Variants in MSRA observed in about 807,000 individuals in gnomAD.
MSRA encodes mitochondrial peptide methionine sulfoxide reductase.
MSRA carries 54 observed loss-of-function variants against 31.3 expected under a neutral mutation model. That is an observed-to-expected ratio of 1.73 (90% confidence interval 1.39 to 2.17). The LOEUF (loss-of-function observed/expected upper bound fraction) is 2.17, where lower values mean the gene tolerates loss of function less well. MSRA is among the 30% of genes most tolerant of loss of function. MSRA has a pLI of 0.00. For synonymous variants in MSRA, 169 were observed against 116.5 expected (o/e 1.45, Z -2.90); for missense variants, 507 against 300.9 (o/e 1.69, Z -5.07).
intron 5 of MSRA, among the ~76,000 whole-genome samples, chr8:10,355,797 C>G (rs1002786194): frequency 6.6e-6 from 1 of 152,104 alleles, no homozygotes; most frequent in Non-Finnish European, 1.5e-5. Context: ...TATGCCATAT[C>G]AGGGAGGCCC....
At chr8:10,124,394 A>C (rs574132916) in intron 1 of MSRA, among the ~76,000 whole-genome samples, 4 of 152,186 alleles carry the variant, frequency 2.6e-5, no homozygotes, top group Non-Finnish European at 5.9e-5. Flanking sequence ...CTTTGGGGCA[A>C]ACCAGACCCG....
chr8:10,054,528 C>T lies in MSRA; in HGVS notation c.12C>T (p.Ala4=). MLS[A]TRRACQLLLL... ...GCTGGCGCCCTCCCATGCTCTCGGC[C>T]ACCCGGAGGGCTTGCCAGCTCCTCC... The change falls in exon 1 of 6, where the codon GCC becomes GCT. Residue 4 remains alanine, a synonymous_variant. Coordinates refer to ENST00000317173, the MANE Select transcript of MSRA (RefSeq NM_012331.5). 6.3e-7 allele frequency: 1 copy of T among 1,584,012 alleles called. No individual in the cohort carries two copies. The highest frequency in any genetic ancestry group is 2.5e-5 in the East Asian group (1 of 40,620).
At chr8:10,120,439 G>T (rs1177134851) in intron 1 of MSRA, among the ~76,000 whole-genome samples, 1 of 152,170 alleles carries the variant, frequency 6.6e-6, no homozygotes, top group Admixed American at 6.5e-5. Context: ...ATGTACAAAA[G>T]GGTAGTGACA....
chr8:10,109,905 C>A (rs1198788757), intron 1 of MSRA, among the ~76,000 whole-genome samples: 2 of 152,188 alleles, frequency 1.3e-5, no homozygotes, highest in African/African-American at 2.4e-5. Context: ...GGTTTTAACA[C>A]CGCTAGTCTG....
At chr8:10,091,108 C>G (rs1329663929) in intron 1 of MSRA, among the ~76,000 whole-genome samples, 4 of 152,136 alleles carry the variant, frequency 2.6e-5, no homozygotes, top group African/African-American at 9.7e-5. Flanking sequence ...TTGGACTGGT[C>G]TTCTTTTCCT....
At chr8:10,170,594 C>T (rs1361958805) in intron 1 of MSRA, among the ~76,000 whole-genome samples, 1 of 152,186 alleles carries the variant, frequency 6.6e-6, no homozygotes, top group Non-Finnish European at 1.5e-5. Flanking sequence ...TACAGTGTAT[C>T]AACCATTTGC....
At chr8:10,308,655 A>G (rs932751364) in intron 4 of MSRA, among the ~76,000 whole-genome samples, 39 of 152,228 alleles carry the variant, frequency 2.6e-4, no homozygotes, top group African/African-American at 8.9e-4. Context: ...TTTGGCTCAT[A>G]CCACAGTTCT....
chr8:10,323,347 C>T (rs1202408757), intron 5 of MSRA, among the ~76,000 whole-genome samples: 3 of 151,860 alleles, frequency 2.0e-5, no homozygotes, highest in Admixed American at 6.6e-5. Flanking sequence ...TGTAATGATT[C>T]GTAGTTCTCT....
At chr8:10,056,895 T>C (rs1802403967) in intron 1 of MSRA, among the ~76,000 whole-genome samples, 1 of 152,188 alleles carries the variant, frequency 6.6e-6, no homozygotes, top group South Asian at 2.1e-4. Context: ...GCATCACCTT[T>C]TGACTGCAGA....
intron 3 of MSRA, among the ~76,000 whole-genome samples, chr8:10,283,160 A>ACTCTCTCTCTCTCTCTCTCTCTCT (rs71521648): frequency 8.6e-5 from 12 of 140,272 alleles, no homozygotes; most frequent in African/African-American, 3.3e-4. Flanking sequence ...ACACACACAC[A>ACTCTCTCTCTCTCTCTCTCTCTCT]CTCTCACCCT....
At chr8:10,327,910 G>C (rs1182972921) in intron 5 of MSRA, among the ~76,000 whole-genome samples, 1 of 151,854 alleles carries the variant, frequency 6.6e-6, no homozygotes, top group Admixed American at 6.6e-5. Context: ...TCCAGCCTGG[G>C]CTCCGTCTCA....
chr8:10,090,431 A>G (rs1169029468), intron 1 of MSRA, among the ~76,000 whole-genome samples: 1 of 152,214 alleles, frequency 6.6e-6, no homozygotes, highest in Non-Finnish European at 1.5e-5. Flanking sequence ...GTTAATGTAT[A>G]GTATTGCCTC....
intron 4 of MSRA, among the ~76,000 whole-genome samples, chr8:10,312,700 T>A (rs943052185): frequency 5.9e-5 from 9 of 152,232 alleles, no homozygotes; most frequent in Admixed American, 3.9e-4. Context: ...TAATACATCA[T>A]GACCAATTTT....
At chr8:10,226,841 G>C (rs1001014853) in intron 2 of MSRA, among the ~76,000 whole-genome samples, 1 of 152,152 alleles carries the variant, frequency 6.6e-6, no homozygotes, top group South Asian at 2.1e-4. Flanking sequence ...CCTGATCTCA[G>C]CCTTGCTCTC....
At chr8:10,356,656 C>T (rs989118065) in intron 5 of MSRA, among the ~76,000 whole-genome samples, 1 of 152,100 alleles carries the variant, frequency 6.6e-6, no homozygotes, top group Non-Finnish European at 1.5e-5. Flanking sequence ...GGATGAGTGC[C>T]GTTGTAAAGA....
intron 5 of MSRA, among the ~76,000 whole-genome samples, chr8:10,332,451 T>TCCCCCCCCC (rs373121180): frequency 2.7e-5 from 4 of 146,504 alleles, no homozygotes; most frequent in Non-Finnish European, 6.1e-5. Flanking sequence ...AAAAGAAAAA[T>TCCCCCCCCC]CCCCCCTCCC....
chr8:10,116,385 T>G (rs1451036971), intron 1 of MSRA, among the ~76,000 whole-genome samples: 1 of 152,204 alleles, frequency 6.6e-6, no homozygotes, highest in East Asian at 1.9e-4. Flanking sequence ...TATTAATGCA[T>G]CACATAGTTC....
intron 3 of MSRA, among the ~76,000 whole-genome samples, chr8:10,258,719 C>T (rs1798312104): frequency 6.6e-6 from 1 of 152,220 alleles, no homozygotes; most frequent in Non-Finnish European, 1.5e-5. Flanking sequence ...GGCAACTCTT[C>T]CCTGATGGTT....
intron 1 of MSRA, among the ~76,000 whole-genome samples, chr8:10,103,345 A>C (rs1358860103): frequency 6.6e-6 from 1 of 152,326 alleles, no homozygotes; most frequent in African/African-American, 2.4e-5. Context: ...CTTAAAGATG[A>C]TGCATGTAAC....
Sources: gnomAD v4.1 joint callset for allele counts (sites outside exome capture counted in the v4.1 genomes callset) on GRCh38, gnomAD v4.1.1 for gene constraint, MANE v1.5 for transcripts, NCBI Gene and HGNC (gene_info 2026-07-23, HGNC 2026-07-21) for gene names.